CFAP299: variants seen among roughly 807,000 people sequenced by gnomAD.
CFAP299 encodes the protein cilia- and flagella-associated protein 299.
Under a neutral mutation model 27.0 loss-of-function variants are expected in CFAP299, and 21 were observed. That is an observed-to-expected ratio of 0.78 (90% CI 0.55 to 1.12). The LOEUF is 1.12. Ranked by LOEUF, CFAP299 falls within the 50% of genes most tolerant of loss-of-function variation. The probability of loss-of-function intolerance (pLI) is 0.00; values close to 1 mark genes in which losing one functional copy is unlikely to be tolerated. For missense variants in CFAP299, 310 were observed against 276.6 expected, an observed-to-expected ratio of 1.12 and a Z score of -0.86; for synonymous variants, 104 against 98.1, an observed-to-expected ratio of 1.06 and a Z score of -0.36.
intron 3 of CFAP299, among the ~76,000 whole-genome samples, chr4:80,794,984 C>T (rs567848414): frequency 1.3e-5 from 2 of 152,246 alleles, no homozygotes; most frequent in Admixed American, 1.3e-4. Flanking sequence ...TGAGCCCATA[C>T]ATATCATCCA....
chr4:80,852,782 G>A (rs1731598062), intron 3 of CFAP299, among the ~76,000 whole-genome samples: 1 of 152,120 alleles, frequency 6.6e-6, no homozygotes, highest in Admixed American at 6.6e-5. Flanking sequence ...CATCACAAGT[G>A]TAAAGTTCTC....
chr4:80,759,680 G>A (rs923257048), intron 3 of CFAP299, among the ~76,000 whole-genome samples: 6 of 152,108 alleles, frequency 3.9e-5, no homozygotes, highest in Non-Finnish European at 7.3e-5. Context: ...TGTTGTTAGA[G>A]TATAGGCCAG....
At chr4:80,905,800 A>G (rs1452068746) in intron 4 of CFAP299, among the ~76,000 whole-genome samples, 1 of 152,160 alleles carries the variant, frequency 6.6e-6, no homozygotes, top group Non-Finnish European at 1.5e-5. Context: ...AACTGCCCCC[A>G]TGATTTAATT....
intron 2 of CFAP299, among the ~76,000 whole-genome samples, chr4:80,537,104 A>G (rs569573129): frequency 6.6e-6 from 1 of 152,316 alleles, no homozygotes; most frequent in East Asian, 1.9e-4. Flanking sequence ...GCTCAACATC[A>G]TTAATCATCA....
At chr4:80,355,904 C>T (rs187236091) in intron 1 of CFAP299, among the ~76,000 whole-genome samples, 13 of 152,118 alleles carry the variant, frequency 8.5e-5, no homozygotes, top group Non-Finnish European at 1.0e-4. Flanking sequence ...ATCATAAAAC[C>T]TTTGCTTATG....
chr4:80,470,022 T>C (rs1049471627), intron 2 of CFAP299, among the ~76,000 whole-genome samples: 1 of 152,148 alleles, frequency 6.6e-6, no homozygotes, highest in East Asian at 1.9e-4. Flanking sequence ...CCATTTGCGC[T>C]GAAGGAATGT....
At chr4:80,682,944 T>C (rs1410757867) in intron 3 of CFAP299, among the ~76,000 whole-genome samples, 1 of 152,174 alleles carries the variant, frequency 6.6e-6, no homozygotes, top group East Asian at 1.9e-4. Context: ...GAGGTCTTTT[T>C]CCATGAAGCT....
chr4:80,543,797 A>G (rs1249798175), intron 2 of CFAP299, among the ~76,000 whole-genome samples: 1 of 152,236 alleles, frequency 6.6e-6, no homozygotes, highest in Non-Finnish European at 1.5e-5. Flanking sequence ...AATTTTCCCA[A>G]TCTCACTAGA....
intron 2 of CFAP299, among the ~76,000 whole-genome samples, chr4:80,518,711 C>A (rs1578545370): frequency 6.6e-6 from 1 of 152,056 alleles, no homozygotes; most frequent in Non-Finnish European, 1.5e-5. Context: ...GGAAAGATAA[C>A]AGGATCATGT....
At chr4:80,479,160 A>G (rs1285409875) in intron 2 of CFAP299, among the ~76,000 whole-genome samples, 1 of 152,074 alleles carries the variant, frequency 6.6e-6, no homozygotes. Flanking sequence ...ATCTTAGTGA[A>G]TATTTACTGC....
chr4:80,889,904 G>A (rs77550745), intron 4 of CFAP299, among the ~76,000 whole-genome samples: 2,861 of 152,130 alleles, frequency 0.019, 69 homozygotes, highest in African/African-American at 0.063. Flanking sequence ...TGCTGAGAAA[G>A]CATTTGATAA....
At chr4:80,386,734 G>C in intron 2 of CFAP299, 1 of 1,544,074 alleles carries the variant, frequency 6.5e-7, no homozygotes, top group East Asian at 2.3e-5. Flanking sequence ...TGCCGGAGTG[G>C]GAGAGGACAT....
intron 2 of CFAP299, among the ~76,000 whole-genome samples, chr4:80,518,167 A>T (rs1331192171): frequency 6.6e-6 from 1 of 152,082 alleles, no homozygotes; most frequent in Non-Finnish European, 1.5e-5. Context: ...ATTCATATGG[A>T]CTTTGAAGAC....
chr4:80,477,950 G>A (rs1006640640), intron 2 of CFAP299, among the ~76,000 whole-genome samples: 1 of 152,072 alleles, frequency 6.6e-6, no homozygotes, highest in Non-Finnish European at 1.5e-5. Flanking sequence ...GTCTCACTTT[G>A]ACTTCATGAT....
intron 2 of CFAP299, among the ~76,000 whole-genome samples, chr4:80,567,346 C>G (rs1297203720): frequency 3.3e-5 from 5 of 152,000 alleles, no homozygotes; most frequent in Non-Finnish European, 5.9e-5. Flanking sequence ...TTTCATTTCT[C>G]AAGTTATGTT....
chr4:80,377,149 CAT>C (rs1491539219), intron 2 of CFAP299, among the ~76,000 whole-genome samples: 6 of 151,950 alleles, frequency 3.9e-5, no homozygotes, highest in Non-Finnish European at 5.9e-5. Flanking sequence ...CTTTAAGGTT[CAT>C]GTGTGTGTGT....
chr4:80,606,461 G>A (rs1198522150), intron 3 of CFAP299, among the ~76,000 whole-genome samples: 1 of 152,092 alleles, frequency 6.6e-6, no homozygotes, highest in Non-Finnish European at 1.5e-5. Context: ...CTTGAACCTG[G>A]GAAGCAGAGG....
chr4:80,685,868 A>G (rs1332041919), intron 3 of CFAP299, among the ~76,000 whole-genome samples: 2 of 152,184 alleles, frequency 1.3e-5, no homozygotes, highest in African/African-American at 4.8e-5. Context: ...GACACTGGGA[A>G]AGGCCAAATT....
At chr4:80,556,876 C>T (rs1734809841) in intron 2 of CFAP299, among the ~76,000 whole-genome samples, 1 of 152,014 alleles carries the variant, frequency 6.6e-6, no homozygotes, top group South Asian at 2.1e-4. Flanking sequence ...TCCATTTTCT[C>T]CCTGCAGTTC....
Sources: allele counts gnomAD v4.1 joint callset (sites outside exome capture counted in the v4.1 genomes callset), GRCh38; gene constraint gnomAD v4.1.1; transcripts MANE v1.5; gene names NCBI Gene and HGNC (gene_info 2026-07-23, HGNC 2026-07-21).